The following KLHL2 variants were observed in gnomAD, a reference collection of about 807,000 sequenced individuals.
The protein encoded by KLHL2 is kelch-like protein 2.
Under a neutral mutation model 75.8 loss-of-function variants are expected in KLHL2, and 15 were observed. The ratio of observed to expected loss-of-function variants is 0.20; its 90% CI spans 0.13 to 0.30. KLHL2 has a LOEUF of 0.30. Among genes scored for constraint, KLHL2 ranks in the 10% least tolerant of loss-of-function variants. The pLI, the probability that KLHL2 is intolerant of heterozygous loss-of-function variation, is 1.00. For synonymous variants in KLHL2, 214 were observed against 251.9 expected, an observed-to-expected ratio of 0.85 and a Z score of 1.42; for missense variants, 381 against 741.0, an observed-to-expected ratio of 0.51 and a Z score of 5.64.
intron 14 of KLHL2, among the ~76,000 whole-genome samples, chr4:165,320,740 A>G (rs1746912049): frequency 1.3e-5 from 2 of 152,248 alleles, no homozygotes; most frequent in South Asian, 4.1e-4. Context: ...CTGGAAAAAA[A>G]CTGTGTTCAG....
In KLHL2 at chr4:165,210,161, C is replaced by T. The variant is rs891859134; in HGVS notation, c.26+2259C>T. 1.7e-5 allele frequency: 27 copies of T among 1,551,572 alleles called. No individual in the cohort carries two copies. The highest frequency in any genetic ancestry group is 2.1e-5 in the Non-Finnish European group (24 of 1,146,970). The stretch of plus-strand genomic sequence containing the variant: ...GTGCCTTATGGTATGGTTGGAAGCA[C>T]GGCCCCAGATTCTCTTTGTGTAAGT... On this transcript the variant is annotated intron_variant, in intron 1 of 14. Coordinates refer to ENST00000226725, the MANE Select transcript of KLHL2 (RefSeq NM_007246.4).
chr4:165,310,940 C>T (rs549480610), intron 10 of KLHL2, among the ~76,000 whole-genome samples, 190 bp downstream of exon 10: 29 of 151,422 alleles, frequency 1.9e-4, no homozygotes, highest in South Asian at 1.9e-3. Flanking sequence ...CTGCAAGCTC[C>T]GCCTGCCGGG....
At chr4:165,289,265 C>T (rs1010167364) in intron 5 of KLHL2, among the ~76,000 whole-genome samples, 6 of 152,066 alleles carry the variant, frequency 3.9e-5, no homozygotes, top group African/African-American at 1.4e-4. Context: ...AAATAGTGCC[C>T]TCTATATTTT....
chr4:165,296,399 G>A (rs771770503), intron 6 of KLHL2, among the ~76,000 whole-genome samples: 3 of 152,180 alleles, frequency 2.0e-5, no homozygotes, highest in African/African-American at 4.8e-5. Context: ...CTTCAAATGA[G>A]CATTTCAAGA....
intron 2 of KLHL2, among the ~76,000 whole-genome samples, chr4:165,226,757 T>C (rs1179534556): frequency 6.6e-6 from 1 of 152,108 alleles, no homozygotes. Flanking sequence ...TATTTATTAT[T>C]TCTCTTTCTT....
chr4:165,247,174 T>G (rs1247420018), intron 4 of KLHL2, among the ~76,000 whole-genome samples: 2 of 152,188 alleles, frequency 1.3e-5, no homozygotes, highest in Non-Finnish European at 2.9e-5. Flanking sequence ...ATCTGGTGTC[T>G]TGTCTGATTA....
chr4:165,296,029 TA>T (rs1744879964), intron 6 of KLHL2, among the ~76,000 whole-genome samples: 1 of 152,152 alleles, frequency 6.6e-6, no homozygotes, highest in Non-Finnish European at 1.5e-5. Flanking sequence ...GCATAAACAA[TA>T]ACCATTTTAT....
intron 1 of KLHL2, chr4:165,210,271 T>C: frequency 8.4e-7 from 1 of 1,196,800 alleles, no homozygotes; most frequent in South Asian, 1.3e-5. Flanking sequence ...GCTTGTGTTC[T>C]CTTTTAACAT....
rs1342471663 is a variant in KLHL2, at chr4:165,223,810, T to C, written c.152+3751T>C. On this transcript the variant is annotated intron_variant, in intron 2 of 14. Coordinates refer to ENST00000226725, the MANE Select transcript of KLHL2 (RefSeq NM_007246.4). ...GGGGAAATTTTTCAAAACACCAACA[T>C]TTTCAAAATCAACCCAATAGATCTT... is the stretch of plus-strand genomic sequence containing the variant. 2.1e-5 allele frequency: 4 copies of C among 193,290 alleles called. No individual in the cohort carries two copies. In the East Asian group the frequency reaches 5.5e-4, roughly 26 times the overall value. 12.0% of individuals were successfully genotyped at this position (193,290 alleles called of 1,614,324 possible).
rs1736936305 is a variant in KLHL2 at position 165,207,912 on chromosome 4, CG to C, written c.26+13del. 5 of 1,410,684 alleles carry C rather than the reference CG, an allele frequency of 3.5e-6. No homozygotes were observed. Among genetic ancestry groups the C allele is most frequent in the Non-Finnish European group, 4.7e-6 (5 of 1,072,724 alleles). 87.4% of individuals were successfully genotyped at this position (1,410,684 alleles called of 1,614,324 possible). ...CGCCGCTGCCTCCCGCGTGAGTGAG[CG>C]GGCGGGCGGGCTGCGCCGCTGCGGA... On this transcript the variant is annotated intron_variant, in intron 1 of 14. Transcript: ENST00000226725. The surrounding 1 kb of genome is among the most constrained non-coding windows in gnomAD (Gnocchi z 4.2).
rs202185247 is a variant in KLHL2, at chr4:165,219,934, A to T, written c.27A>T (p.Ala9=). 1.3e-6 allele frequency: 2 copies of T among 1,492,084 alleles called. No individual in the cohort carries two copies. Among genetic ancestry groups the T allele is most frequent in the African/African-American group, 1.5e-5 (1 of 66,188 alleles). The allele number at this position is 1,492,084 out of a possible 1,614,324, so 92.4% of individuals were successfully genotyped here. METPPLPP[A]CTKQGHQKPL... is the part of the protein sequence containing the mutation. ...TTTTGTTCTTTTCTTTTATGTACAG[A>T]TGCACAAAGCAGGGTCATCAGAAGC... The change falls in exon 2 of 15, where the codon GCA becomes GCT. Residue 9 remains alanine (A), a splice_region_variant and synonymous_variant. Coordinates refer to ENST00000226725, the MANE Select transcript of KLHL2 (RefSeq NM_007246.4).
At position 165,279,342 on chromosome 4, in the gene KLHL2, T is replaced by A. The variant is rs759149441; in HGVS notation, c.545-15017T>A. ...TTGTAGAGAGGCTCTCCAGTTATCT[T>A]GTCCCAGACTACGGTGGTTTCCCTC... On this transcript the variant is annotated intron_variant, in intron 5 of 14. Transcript: ENST00000226725. 9 of 1,576,324 alleles carry A rather than the reference T, an allele frequency of 5.7e-6. No individual in the cohort carries two copies. The South Asian group carries it at 1.0e-4, about 17-fold the overall frequency.
At chr4:165,303,782 C>T (rs902682621) in intron 8 of KLHL2, among the ~76,000 whole-genome samples, 9 of 151,906 alleles carry the variant, frequency 5.9e-5, no homozygotes, top group African/African-American at 1.7e-4. Flanking sequence ...AGGCTGGTCT[C>T]GAACTCCTGA....
At chr4:165,237,316 A>G (rs1011062862) in intron 3 of KLHL2, among the ~76,000 whole-genome samples, 6 of 147,160 alleles carry the variant, frequency 4.1e-5, no homozygotes, top group Admixed American at 6.7e-5. Context: ...CATTTGCCGT[A>G]GCACCAGACA....
At chr4:165,239,740 G>A (rs1400548679) in intron 4 of KLHL2, among the ~76,000 whole-genome samples, 2 of 152,094 alleles carry the variant, frequency 1.3e-5, no homozygotes, top group East Asian at 3.9e-4. Flanking sequence ...TTAGAAAACG[G>A]ACCTTCTCTT....
At chr4:165,314,566 A>G (rs1746461990) in intron 13 of KLHL2, among the ~76,000 whole-genome samples, 1 of 152,180 alleles carries the variant, frequency 6.6e-6, no homozygotes, top group African/African-American at 2.4e-5. Context: ...AATTTAGTCT[A>G]GTTGAGTAGA....
intron 5 of KLHL2, among the ~76,000 whole-genome samples, chr4:165,268,768 G>A (rs1742448945): frequency 6.6e-6 from 1 of 152,200 alleles, no homozygotes; most frequent in Non-Finnish European, 1.5e-5. Context: ...GCAATGTGGT[G>A]CTGAGAAGAA....
At chr4:165,255,359 A>T (rs1741077262) in intron 4 of KLHL2, among the ~76,000 whole-genome samples, 1 of 152,198 alleles carries the variant, frequency 6.6e-6, no homozygotes, top group Admixed American at 6.5e-5. Context: ...TTAGCCATTA[A>T]TATGAGCTAA....
intron 2 of KLHL2, among the ~76,000 whole-genome samples, chr4:165,223,322 G>A (rs988728677): frequency 6.6e-6 from 1 of 152,198 alleles, no homozygotes; most frequent in Non-Finnish European, 1.5e-5. Context: ...ACAGAGAGGA[G>A]GATGAGGCAG....
Sources: allele counts gnomAD v4.1 joint callset (sites outside exome capture counted in the v4.1 genomes callset), GRCh38; gene constraint gnomAD v4.1.1; non-coding constraint Gnocchi (gnomAD v3.1); transcripts MANE v1.5; gene names NCBI Gene and HGNC (gene_info 2026-07-23, HGNC 2026-07-21).